Variants in LRRC4B observed in about 807,000 individuals in gnomAD.
The protein encoded by LRRC4B is leucine rich repeat containing 4B.
In LRRC4B, 1 loss-of-function variant was observed where a neutral mutation model predicts 7.3. The observed-to-expected ratio is 0.14, with a 90% CI of 0.05 to 0.65. The LOEUF (loss-of-function observed/expected upper bound fraction) is 0.65. Among genes scored for constraint, LRRC4B ranks in the 30% least tolerant of loss-of-function variants. The probability of loss-of-function intolerance (pLI) is 0.84; values close to 1 mark genes in which losing one functional copy is unlikely to be tolerated. For missense variants in LRRC4B, 730 were observed against 1,041.6 expected (o/e 0.70, Z 4.12); for synonymous variants, 500 against 499.2 (o/e 1.00, Z -0.02).
chr19:50,523,619 C>CCCAGTT (rs1980675654), intron 2 of LRRC4B, among the ~76,000 whole-genome samples: 2 of 145,646 alleles, frequency 1.4e-5, no homozygotes, highest in East Asian at 2.1e-4. Flanking sequence ...GCCGAGATCG[C>CCCAGTT]GCCACTGCAC....
intron 2 of LRRC4B, among the ~76,000 whole-genome samples, chr19:50,529,833 GT>G (rs1362200649): frequency 6.6e-6 from 1 of 152,056 alleles, no homozygotes; most frequent in African/African-American, 2.4e-5. Flanking sequence ...AAGAACAAAG[GT>G]ATTGCTGGTC....
chr19:50,552,618 ATCCATCCATTCATCCATCCGCCCATCCG>A (rs1453150888), intron 1 of LRRC4B, among the ~76,000 whole-genome samples: 11 of 105,556 alleles, frequency 1.0e-4, no homozygotes, highest in South Asian at 5.8e-4. Context: ...CCATCCATCC[ATCCATCCATTCATCCATCCGCCCATCCG>A]TCCATCCATC....
rs1982239293 is a variant in LRRC4B, at chr19:50,555,417, G to A, written c.-35-6544C>T. 6.5e-6 allele frequency: 1 copy of A among 152,908 alleles called. No homozygotes were observed. The highest frequency in any genetic ancestry group is 2.4e-5 in the African/African-American group (1 of 41,458). The allele number at this position is 152,908 out of a possible 1,614,324, so 9.5% of individuals were successfully genotyped here. ...ACCTGGTGCAAGGAACAAGCCAGAG[G>A]TGCAGACACAGAAGGACCCCAAAGA... On this transcript the variant is annotated intron_variant, in intron 1 of 2. Coordinates refer to ENST00000652263, the MANE Select transcript of LRRC4B (RefSeq NM_001080457.2). The surrounding 1 kb of genome is among the most constrained non-coding windows in gnomAD (Gnocchi z 5.2).
chr19:50,566,436 TC>T (rs1207053325), intron 1 of LRRC4B, among the ~76,000 whole-genome samples: 1 of 150,738 alleles, frequency 6.6e-6, no homozygotes, highest in Non-Finnish European at 1.5e-5. Context: ...AGCTGGGCTC[TC>T]CCCAGGGGAA....
intron 2 of LRRC4B, among the ~76,000 whole-genome samples, chr19:50,539,621 G>A (rs1336392780): frequency 6.6e-6 from 1 of 151,842 alleles, no homozygotes; most frequent in African/African-American, 2.4e-5. Flanking sequence ...GGGTGTGGTG[G>A]CTCACACATG....
chr19:50,523,452 C>A (rs1980667832), intron 2 of LRRC4B, among the ~76,000 whole-genome samples: 2 of 138,438 alleles, frequency 1.4e-5, no homozygotes, highest in African/African-American at 5.4e-5. Context: ...CCGAGGCGGG[C>A]AGATCAGTTG....
At chr19:50,550,772 G>T (rs1361006911) in intron 1 of LRRC4B, 1 of 152,394 alleles carries the variant, frequency 6.6e-6, no homozygotes, top group Non-Finnish European at 1.5e-5. Flanking sequence ...GCAGGGCTGG[G>T]GCCGTGTGTC....
chr19:50,560,999 G>A (rs1443642817), intron 1 of LRRC4B, among the ~76,000 whole-genome samples: 1 of 152,188 alleles, frequency 6.6e-6, no homozygotes, highest in Non-Finnish European at 1.5e-5. Flanking sequence ...GTTGAGACAG[G>A]AGAATCGCTT....
intron 2 of LRRC4B, among the ~76,000 whole-genome samples, chr19:50,524,759 CAT>C (rs1478510545): frequency 6.6e-6 from 1 of 152,228 alleles, no homozygotes; most frequent in Non-Finnish European, 1.5e-5. Context: ...GGAAACCCAA[CAT>C]GTGTTTTACA....
At chr19:50,522,379 A>G (rs1309873507) in intron 2 of LRRC4B, among the ~76,000 whole-genome samples, 1 of 151,996 alleles carries the variant, frequency 6.6e-6, no homozygotes, top group African/African-American at 2.4e-5. Flanking sequence ...GGCCCTAACA[A>G]TCAGATTTTT....
At chr19:50,562,561 T>C (rs1465969247) in intron 1 of LRRC4B, among the ~76,000 whole-genome samples, 3 of 152,160 alleles carry the variant, frequency 2.0e-5, no homozygotes, top group Non-Finnish European at 4.4e-5. Flanking sequence ...AGTGGAGCTG[T>C]GGCTGCACAG....
At chr19:50,541,057 G>A (rs1163207037) in intron 2 of LRRC4B, among the ~76,000 whole-genome samples, 1 of 151,858 alleles carries the variant, frequency 6.6e-6, no homozygotes, top group African/African-American at 2.4e-5. Context: ...GCTGGTGGGT[G>A]CCTGTAGTCC....
rs1981347827 is a variant in LRRC4B at position 50,537,663 on chromosome 19, C to T, written c.297+10879G>A. ...ATTTAACTTTAACAGGTGTGAGCCA[C>T]CGCGCCCGGCCGACTGTTCTTTTCT... On this transcript the variant is annotated intron_variant, in intron 2 of 2. Transcript: ENST00000652263. The surrounding 1 kb of genome is among the most constrained non-coding windows in gnomAD (Gnocchi z 5.5). 1.3e-5 allele frequency among the ~76,000 whole-genome samples: 2 copies of T among 152,194 alleles called. No homozygotes were observed. Among genetic ancestry groups the T allele is most frequent in the African/African-American group, 2.4e-5 (1 of 41,446 alleles).
At chr19:50,536,588 T>C (rs1262726291) in intron 2 of LRRC4B, among the ~76,000 whole-genome samples, 1 of 152,170 alleles carries the variant, frequency 6.6e-6, no homozygotes, top group Non-Finnish European at 1.5e-5. Context: ...GCAGATGGAT[T>C]AGCCGGGGCT....
At chr19:50,543,352 G>T (rs996031000) in intron 2 of LRRC4B, among the ~76,000 whole-genome samples, 2 of 151,920 alleles carry the variant, frequency 1.3e-5, no homozygotes, top group African/African-American at 2.4e-5. Flanking sequence ...GTGTGTGTGT[G>T]TGTGTGTGTG....
rs936705020 is a variant in LRRC4B, at chr19:50,548,177, G to A, written c.297+365C>T. Among the ~76,000 whole-genome samples the A allele has an allele frequency of 3.9e-5, 6 of 152,196 alleles. No homozygotes were observed. The highest frequency in any genetic ancestry group is 1.4e-4 in the African/African-American group (6 of 41,448). ...GTCACCTTCCCAAGGCCACGAGAGG[G>A]TGTGGTGGTGCAGATGCCACAGGGG... On this transcript the variant is annotated intron_variant, in intron 2 of 2. Transcript: ENST00000652263. The surrounding 1 kb of genome is among the most constrained non-coding windows in gnomAD (Gnocchi z 6.8).
chr19:50,561,268 T>C (rs13344606), intron 1 of LRRC4B, among the ~76,000 whole-genome samples: 2,654 of 150,924 alleles, frequency 0.018, 64 homozygotes, highest in African/African-American at 0.061. Context: ...TGGGATCACA[T>C]TTGGGGTCTT....
At chr19:50,534,491 C>T (rs1012858732) in intron 2 of LRRC4B, among the ~76,000 whole-genome samples, 4 of 152,228 alleles carry the variant, frequency 2.6e-5, no homozygotes, top group Non-Finnish European at 2.9e-5. Flanking sequence ...GGGGCCACCT[C>T]TGACAGCCAC....
At position 50,517,818 on chromosome 19, in the gene LRRC4B, A is replaced by G. The variant is rs778044530; in HGVS notation, c.1895T>C (p.Val632Ala). 92 of 1,562,670 alleles carry G rather than the reference A, an allele frequency of 5.9e-5. No homozygotes were observed. The highest frequency in any genetic ancestry group is 7.5e-5 in the Non-Finnish European group (87 of 1,159,858). The change falls in exon 3 of 3, where the codon GTG (valine) becomes GCG (alanine). Residue 632 changes from valine to alanine, a missense_variant. By Grantham distance (64) the Val-to-Ala change is moderately conservative. Coordinates refer to ENST00000652263, the MANE Select transcript of LRRC4B (RefSeq NM_001080457.2). The surrounding 1 kb of genome is among the most constrained non-coding windows in gnomAD (Gnocchi z 6.6). ...ACTGGCCACGGCGGCCGCGGCGGCCACGGACACGGCCGAGGCGGCGGGCAG... is the reference window on the plus strand; with the variant it reads ...ACTGGCCACGGCGGCCGCGGCGGCCGCGGACACGGCCGAGGCGGCGGGCAG... ...DELPAASAVS[V>A]AAAAAVASGG...
Sources: gnomAD v4.1 joint callset for allele counts (sites outside exome capture counted in the v4.1 genomes callset) on GRCh38, gnomAD v4.1.1 for gene constraint, Gnocchi (gnomAD v3.1) non-coding constraint, MANE v1.5 for transcripts, NCBI Gene and HGNC (gene_info 2026-07-23, HGNC 2026-07-21) for gene names.